Variants in FRY observed in about 807,000 individuals in gnomAD.
FRY encodes FRY microtubule binding protein.
A neutral mutation model predicts 348.4 loss-of-function variants in FRY; 128 were observed. The ratio of observed to expected loss-of-function variants is 0.37; its 90% CI spans 0.32 to 0.43. The LOEUF is 0.43. FRY is among the 20% of genes least tolerant of loss of function. The pLI is 1.00. For synonymous variants in FRY, 1,370 were observed against 1,374.7 expected (o/e 1.00, Z 0.08); for missense variants, 2,736 against 3,695.2 (o/e 0.74, Z 6.73).
At chr13:32,209,490 G>C (rs916148273) in intron 32 of FRY, 95 bp from the exon 33 acceptor site, 2 of 1,177,946 alleles carry the variant, frequency 1.7e-6, no homozygotes, top group African/African-American at 3.0e-5. Flanking sequence ...TTATGATTTT[G>C]AGACGGTCAT....
chr13:32,266,618 A>C (rs1282494427), intron 54 of FRY, among the ~76,000 whole-genome samples: 1 of 152,240 alleles, frequency 6.6e-6, no homozygotes, highest in Non-Finnish European at 1.5e-5. Context: ...AGTCTATAGA[A>C]AGGGAATCTG....
chr13:32,130,867 G>A (rs146666561), intron 7 of FRY, among the ~76,000 whole-genome samples: 198 of 150,812 alleles, frequency 1.3e-3, no homozygotes, highest in African/African-American at 4.3e-3. Flanking sequence ...CCAGGCTGGA[G>A]TGCAATGGCA....
chr13:32,073,822 C>T (rs923433055), intron 1 of FRY, among the ~76,000 whole-genome samples: 2 of 152,176 alleles, frequency 1.3e-5, no homozygotes, highest in East Asian at 3.8e-4. Flanking sequence ...TCTACGCCAC[C>T]ATTAGCCTCT....
rs1215547243 is a variant in FRY, at chr13:32,200,712, G to A, written c.3747-1229G>A. Reference sequence around the variant, plus strand: ...TAACATCTTTAAATAGAATTACATAGCAAGAAAAAAATGGATTTAATCTCT... The same window carrying A: ...TAACATCTTTAAATAGAATTACATAACAAGAAAAAAATGGATTTAATCTCT... On this transcript the variant is annotated intron_variant, in intron 29 of 60. Coordinates refer to ENST00000542859, the MANE Select transcript of FRY (RefSeq NM_023037.3). 3.3e-5 allele frequency among the ~76,000 whole-genome samples: 5 copies of A among 152,172 alleles called. No individual in the cohort carries two copies. In the East Asian group the frequency reaches 9.7e-4, roughly 29 times the overall value.
At chr13:32,217,489 C>A (rs1018905873) in intron 35 of FRY, among the ~76,000 whole-genome samples, 6 of 152,120 alleles carry the variant, frequency 3.9e-5, no homozygotes, top group African/African-American at 1.2e-4. Flanking sequence ...AACATCCTTT[C>A]TTTTGTTCCC....
chr13:32,075,597 T>C (rs539579072), intron 1 of FRY, among the ~76,000 whole-genome samples: 44 of 152,360 alleles, frequency 2.9e-4, no homozygotes, highest in African/African-American at 1.0e-3. Flanking sequence ...GTGTGGACTT[T>C]GTGACTCAAA....
At chr13:32,290,582 G>T (rs1224392860) in intron 59 of FRY, among the ~76,000 whole-genome samples, 5 of 151,598 alleles carry the variant, frequency 3.3e-5, no homozygotes, top group Non-Finnish European at 7.4e-5. Context: ...AGAAGAGAGA[G>T]GGGTAAAGGC....
chr13:32,133,764 C>CTTTTTTTTTTTTTT (rs1259372646), intron 8 of FRY, among the ~76,000 whole-genome samples: 13 of 108,470 alleles, frequency 1.2e-4, no homozygotes, highest in Non-Finnish European at 2.0e-4. Flanking sequence ...TTCTTTCTTT[C>CTTTTTTTTTTTTTT]TTTCTTTTTT....
intron 35 of FRY, among the ~76,000 whole-genome samples, chr13:32,218,447 GA>G (rs1487239477): frequency 6.6e-6 from 1 of 152,142 alleles, no homozygotes; most frequent in African/African-American, 2.4e-5. Context: ...CTGGGAGGCC[GA>G]AGCGGGCGGA....
At chr13:32,061,177 G>T (rs954526941) in intron 1 of FRY, 19 of 533,052 alleles carry the variant, frequency 3.6e-5, no homozygotes, top group African/African-American at 3.1e-4. Flanking sequence ...GGTATGAAAG[G>T]CTGTTAATAT....
At position 32,267,378 on chromosome 13, in the gene FRY, A is replaced by G; in HGVS notation, c.8136+19A>G. 6.2e-7 allele frequency: 1 copy of G among 1,606,934 alleles called. No homozygotes were observed. ...GTTTAAGGTATGTGTGCTCACTGAAAGTGCAGAGGACTTAGTTTCTAAGGG... is the reference window on the plus strand; with the variant it reads ...GTTTAAGGTATGTGTGCTCACTGAAGGTGCAGAGGACTTAGTTTCTAAGGG... On this transcript the variant is annotated intron_variant, in intron 55 of 60. Coordinates refer to ENST00000542859, the MANE Select transcript of FRY (RefSeq NM_023037.3).
rs1163691921 is a variant in FRY, at chr13:32,268,486, TAAAAAAAAAAAAAAAA to T, written c.8136+1132_8136+1147del. On this transcript the variant is annotated intron_variant, in intron 55 of 60. Coordinates refer to ENST00000542859, the MANE Select transcript of FRY (RefSeq NM_023037.3). ...ATTATAGTTAAAGAGAAAGCTAGTTTAAAAAAAAAAAAAAAAAAAATATATATATATATATATATAT... is the reference window on the plus strand; with the variant it reads ...ATTATAGTTAAAGAGAAAGCTAGTTTAAAATATATATATATATATATATAT... Among the ~76,000 whole-genome samples, 3 of 61,072 alleles carry T rather than the reference TAAAAAAAAAAAAAAAA, an allele frequency of 4.9e-5. No homozygotes were observed. The Admixed American group carries it at 6.0e-4, about 12-fold the overall frequency. 40.1% of individuals were successfully genotyped at this position (61,072 alleles called of 152,430 possible).
chr13:32,151,207 A>G (rs752466526), intron 14 of FRY, among the ~76,000 whole-genome samples: 8 of 152,270 alleles, frequency 5.3e-5, no homozygotes, highest in Non-Finnish European at 1.2e-4. Flanking sequence ...ATCACTGTCT[A>G]TAAAATGTAT....
chr13:32,235,728 G>T (rs556061187), intron 42 of FRY, among the ~76,000 whole-genome samples: 1 of 152,298 alleles, frequency 6.6e-6, no homozygotes, highest in South Asian at 2.1e-4. Context: ...CACCACGGAG[G>T]CAGCTCTTCC....
At chr13:32,072,911 C>A (rs562834738) in intron 1 of FRY, among the ~76,000 whole-genome samples, 1 of 152,262 alleles carries the variant, frequency 6.6e-6, no homozygotes, top group Non-Finnish European at 1.5e-5. Context: ...CTTTGTTGAA[C>A]GATAAGATTA....
chr13:32,114,305 G>A (rs932940876), intron 3 of FRY, among the ~76,000 whole-genome samples: 5 of 152,170 alleles, frequency 3.3e-5, no homozygotes, highest in Non-Finnish European at 7.3e-5. Flanking sequence ...CACTGCCATG[G>A]TACTTTTGTC....
intron 22 of FRY, 70 bp from the exon 23 acceptor site, chr13:32,179,605 T>A: frequency 6.5e-7 from 1 of 1,529,236 alleles, no homozygotes; most frequent in South Asian, 1.1e-5. Context: ...TATAATGGGA[T>A]CATCCTTTGA....
At chr13:32,211,150 AT>A in intron 34 of FRY, 116 bp downstream of exon 34, 1 of 981,180 alleles carries the variant, frequency 1.0e-6, no homozygotes, top group Non-Finnish European at 1.6e-6. Flanking sequence ...CTGTGTGTGC[AT>A]TCAGTTAAGA....
At chr13:32,217,231 A>G (rs1348217659) in intron 35 of FRY, among the ~76,000 whole-genome samples, 1 of 152,210 alleles carries the variant, frequency 6.6e-6, no homozygotes, top group Non-Finnish European at 1.5e-5. Context: ...GTATTTCTAG[A>G]TAGCCTTAGT....
Sources: allele counts gnomAD v4.1 joint callset (sites outside exome capture counted in the v4.1 genomes callset), GRCh38; gene constraint gnomAD v4.1.1; transcripts MANE v1.5; gene names NCBI Gene and HGNC (gene_info 2026-07-23, HGNC 2026-07-21).